Variants in KIAA1328 observed in about 807,000 individuals in gnomAD.
KIAA1328 encodes the protein KIAA1328.
Under a neutral mutation model 68.1 loss-of-function variants are expected in KIAA1328, and 52 were observed. The observed-to-expected ratio is 0.76, with a 90% CI of 0.61 to 0.96. The LOEUF (loss-of-function observed/expected upper bound fraction) is 0.96, where lower values mean the gene tolerates loss of function less well. KIAA1328 is among the 40% of genes least tolerant of loss of function. The probability of loss-of-function intolerance (pLI) is 0.00; values close to 1 mark genes in which losing one functional copy is unlikely to be tolerated. For synonymous variants in KIAA1328, 232 were observed against 239.4 expected (o/e 0.97, Z 0.28); for missense variants, 641 against 677.6 (o/e 0.95, Z 0.60).
intron 6 of KIAA1328, among the ~76,000 whole-genome samples, chr18:37,049,411 T>C (rs1487705410): frequency 2.6e-5 from 4 of 152,254 alleles, no homozygotes; most frequent in Non-Finnish European, 4.4e-5. Context: ...AAACTCATTT[T>C]ATTTTTATTT....
At chr18:36,834,114 A>C (rs922777910) in intron 1 of KIAA1328, 10 of 801,260 alleles carry the variant, frequency 1.2e-5, no homozygotes, top group Non-Finnish European at 1.7e-5. Context: ...TTTAGAGAAT[A>C]TTAATTTTGC....
chr18:36,980,690 A>T (rs2052648258), intron 6 of KIAA1328, among the ~76,000 whole-genome samples: 1 of 152,134 alleles, frequency 6.6e-6, no homozygotes, highest in African/African-American at 2.4e-5. Context: ...ATTATCTTGT[A>T]GCTCCCATAA....
chr18:36,929,118 A>T (rs189839256), intron 5 of KIAA1328, among the ~76,000 whole-genome samples: 1 of 152,326 alleles, frequency 6.6e-6, no homozygotes, highest in East Asian at 1.9e-4. Context: ...TTTTCACTAA[A>T]TACTTTAATT....
chr18:37,061,729 C>G (rs992585411), intron 6 of KIAA1328, among the ~76,000 whole-genome samples: 2 of 152,164 alleles, frequency 1.3e-5, no homozygotes, highest in Admixed American at 6.5e-5. Context: ...TTCAACTCTA[C>G]TAATAAAATA....
chr18:37,056,298 A>G (rs1227989088), intron 6 of KIAA1328, among the ~76,000 whole-genome samples: 7 of 152,316 alleles, frequency 4.6e-5, no homozygotes, highest in Admixed American at 4.6e-4. Flanking sequence ...GCAGTCTTTA[A>G]AACATTGTAT....
At chr18:36,934,217 G>GGTAT (rs1427437640) in intron 5 of KIAA1328, among the ~76,000 whole-genome samples, 1 of 151,944 alleles carries the variant, frequency 6.6e-6, no homozygotes, top group Admixed American at 6.6e-5. Context: ...CCTCACTCTT[G>GGTAT]GTATCTGTGT....
chr18:36,913,432 G>C (rs1463936526), intron 5 of KIAA1328, among the ~76,000 whole-genome samples: 1 of 147,276 alleles, frequency 6.8e-6, no homozygotes, highest in African/African-American at 2.5e-5. Flanking sequence ...TTTGATAAGA[G>C]GCTCTTCCAT....
chr18:37,044,389 GT>G (rs2055379784), intron 6 of KIAA1328, among the ~76,000 whole-genome samples: 1 of 152,062 alleles, frequency 6.6e-6, no homozygotes, highest in Non-Finnish European at 1.5e-5. Context: ...AAGGAAAGGA[GT>G]ATATTCAGGT....
chr18:37,164,764 A>T (rs573024289), intron 8 of KIAA1328, among the ~76,000 whole-genome samples: 6 of 152,170 alleles, frequency 3.9e-5, no homozygotes, highest in Non-Finnish European at 8.8e-5. Flanking sequence ...AAATCAAAAT[A>T]AAAAAGTGCT....
At chr18:36,842,320 A>G (rs2046885576) in intron 3 of KIAA1328, among the ~76,000 whole-genome samples, 1 of 152,126 alleles carries the variant, frequency 6.6e-6, no homozygotes, top group East Asian at 1.9e-4. Context: ...AAAAATTGCA[A>G]ACTGGAATCA....
intron 5 of KIAA1328, among the ~76,000 whole-genome samples, chr18:36,939,094 TG>T (rs975276850): frequency 1.3e-5 from 2 of 152,082 alleles, no homozygotes; most frequent in African/African-American, 2.4e-5. Context: ...AGTACAGATT[TG>T]GGGTGTTGTT....
chr18:36,938,901 T>A (rs1352351641), intron 5 of KIAA1328, among the ~76,000 whole-genome samples: 1 of 152,114 alleles, frequency 6.6e-6, no homozygotes, highest in African/African-American at 2.4e-5. Flanking sequence ...CATAAATGCG[T>A]GGGTTTATTT....
intron 7 of KIAA1328, among the ~76,000 whole-genome samples, chr18:37,134,665 CT>C (rs1383485734): frequency 1.3e-5 from 2 of 152,152 alleles, no homozygotes; most frequent in South Asian, 2.1e-4. Flanking sequence ...CAAATAACAC[CT>C]TCATATTATT....
intron 6 of KIAA1328, among the ~76,000 whole-genome samples, chr18:37,054,045 A>G (rs576319752): frequency 2.4e-4 from 36 of 152,180 alleles, no homozygotes; most frequent in Non-Finnish European, 3.8e-4. Flanking sequence ...GCCAAGAAAC[A>G]TGAAAAAATG....
chr18:36,867,948 T>C (rs1258787342), intron 4 of KIAA1328, among the ~76,000 whole-genome samples: 1 of 152,208 alleles, frequency 6.6e-6, no homozygotes, highest in Non-Finnish European at 1.5e-5. Context: ...GGTTCATAAT[T>C]AAATTTAACT....
intron 6 of KIAA1328, among the ~76,000 whole-genome samples, chr18:37,027,527 C>T (rs1047163028): frequency 1.3e-5 from 2 of 152,154 alleles, no homozygotes; most frequent in African/African-American, 4.8e-5. Flanking sequence ...GAAATATAGA[C>T]CAATGCAACA....
At chr18:37,107,867 TA>T (rs58171345) in intron 7 of KIAA1328, among the ~76,000 whole-genome samples, 31 of 143,566 alleles carry the variant, frequency 2.2e-4, no homozygotes, top group Admixed American at 3.5e-4. Context: ...ATTAAAAGGT[TA>T]AAAAAAAAAA....
At chr18:37,005,389 C>A (rs1356865345) in intron 6 of KIAA1328, among the ~76,000 whole-genome samples, 3 of 151,318 alleles carry the variant, frequency 2.0e-5, no homozygotes, top group African/African-American at 7.3e-5. Flanking sequence ...AAATCAAAAC[C>A]AGAGTGTCAT....
At chr18:37,078,858 A>G (rs2056845586) in intron 7 of KIAA1328, among the ~76,000 whole-genome samples, 1 of 150,394 alleles carries the variant, frequency 6.6e-6, no homozygotes, top group Admixed American at 6.6e-5. Flanking sequence ...GTGGAGAAAT[A>G]GGAACACTTT....
Sources: allele counts gnomAD v4.1 joint callset (sites outside exome capture counted in the v4.1 genomes callset), GRCh38; gene constraint gnomAD v4.1.1; transcripts MANE v1.5; gene names NCBI Gene and HGNC (gene_info 2026-07-23, HGNC 2026-07-21).